The following OSBPL1A variants were observed in gnomAD, a reference collection of about 807,000 sequenced individuals.
OSBPL1A encodes the protein oxysterol-binding protein-related protein 1.
A neutral mutation model predicts 137.1 loss-of-function variants in OSBPL1A; 80 were observed. The observed-to-expected ratio is 0.58, with a 90% CI of 0.49 to 0.70. The LOEUF is 0.70. Among genes scored for constraint, OSBPL1A ranks in the 30% least tolerant of loss-of-function variants. The pLI, the probability that OSBPL1A is intolerant of heterozygous loss-of-function variation, is 0.00. For synonymous variants in OSBPL1A, 365 were observed against 389.7 expected (o/e 0.94, Z 0.75); for missense variants, 970 against 1,129.4 (o/e 0.86, Z 2.02).
chr18:24,293,543 G>C (rs1374363741), intron 14 of OSBPL1A, among the ~76,000 whole-genome samples: 1 of 152,212 alleles, frequency 6.6e-6, no homozygotes, highest in African/African-American at 2.4e-5. Flanking sequence ...CAGCGCAGGA[G>C]GCCAGGAAAA....
At chr18:24,287,628 C>G (rs1340109202) in intron 14 of OSBPL1A, among the ~76,000 whole-genome samples, 1 of 151,976 alleles carries the variant, frequency 6.6e-6, no homozygotes, top group African/African-American at 2.4e-5. Context: ...CAAAAATTAG[C>G]TGGGCGAGGT....
intron 14 of OSBPL1A, among the ~76,000 whole-genome samples, chr18:24,282,381 C>T (rs180868016): frequency 6.6e-6 from 1 of 152,236 alleles, no homozygotes; most frequent in African/African-American, 2.4e-5. Flanking sequence ...ACTCTACTTC[C>T]TATTTGGACC....
chr18:24,189,540 C>A (rs2086832880), intron 18 of OSBPL1A, among the ~76,000 whole-genome samples: 1 of 152,124 alleles, frequency 6.6e-6, no homozygotes, highest in Non-Finnish European at 1.5e-5. Context: ...CTGGATGTTT[C>A]CTCTATGACA....
intron 4 of OSBPL1A, among the ~76,000 whole-genome samples, chr18:24,361,929 G>A (rs568739587): frequency 9.7e-4 from 146 of 151,108 alleles, no homozygotes; most frequent in African/African-American, 3.5e-3. Flanking sequence ...CCCGAGAGGC[G>A]GAGATTGCAG....
At chr18:24,310,015 C>T (rs890946502) in intron 13 of OSBPL1A, among the ~76,000 whole-genome samples, 1 of 146,870 alleles carries the variant, frequency 6.8e-6, no homozygotes, top group Non-Finnish European at 1.5e-5. Flanking sequence ...TCACTGCACT[C>T]CAGCCCGTGC....
At chr18:24,358,398 G>T in intron 4 of OSBPL1A, 1 of 694,146 alleles carries the variant, frequency 1.4e-6, no homozygotes, top group South Asian at 1.5e-5. Flanking sequence ...AGCACTACTT[G>T]ACTTGTCCAC....
intron 4 of OSBPL1A, 47 bp downstream of exon 4, chr18:24,366,845 C>T (rs1472346443): frequency 6.4e-7 from 1 of 1,553,876 alleles, no homozygotes; most frequent in Non-Finnish European, 8.8e-7. Context: ...GGTAACTACT[C>T]CTCCAAATAC....
chr18:24,196,234 C>G, intron 17 of OSBPL1A, 34 bp from the exon 18 acceptor site: 2 of 1,461,880 alleles, frequency 1.4e-6, no homozygotes, highest in Non-Finnish European at 1.9e-6. Flanking sequence ...AAAGTTCATT[C>G]TAATGCCATT....
In OSBPL1A at chr18:24,389,944, A is replaced by AAAAAT. The variant is rs563541918; in HGVS notation, c.-3+7706_-3+7710dup. ...GTGACAGAGTGAGACTCTGTCTCAAAAAAATAAAATAAAATAAAATAAAAT... is the reference window on the plus strand; with the variant it reads ...GTGACAGAGTGAGACTCTGTCTCAAAAAAATAAAATAAAATAAAATAAAATAAAAT... On this transcript the variant is annotated intron_variant, in intron 1 of 27. Coordinates refer to ENST00000319481, the MANE Select transcript of OSBPL1A (RefSeq NM_080597.4). Among the ~76,000 whole-genome samples, 261 of 152,266 alleles carry AAAAAT rather than the reference A, an allele frequency of 1.7e-3. 2 individuals carry two copies. In the East Asian group the frequency reaches 0.037, roughly 22 times the overall value.
intron 18 of OSBPL1A, among the ~76,000 whole-genome samples, chr18:24,190,309 T>C (rs2086854336): frequency 7.3e-6 from 1 of 137,674 alleles, no homozygotes; most frequent in Admixed American, 8.1e-5. Flanking sequence ...CTGCTCCTCT[T>C]TGCTCATTTC....
At chr18:24,240,464 G>C (rs1322259081) in intron 15 of OSBPL1A, among the ~76,000 whole-genome samples, 1 of 152,126 alleles carries the variant, frequency 6.6e-6, no homozygotes, top group Non-Finnish European at 1.5e-5. Context: ...GGATTTGATA[G>C]GGACAGTTTT....
At chr18:24,190,179 T>A (rs528028518) in intron 18 of OSBPL1A, among the ~76,000 whole-genome samples, 1 of 152,022 alleles carries the variant, frequency 6.6e-6, no homozygotes, top group East Asian at 1.9e-4. Context: ...AATGGAAGCA[T>A]GGGCTGCAAG....
At chr18:24,199,730 T>C (rs2087158451) in intron 17 of OSBPL1A, among the ~76,000 whole-genome samples, 2 of 152,188 alleles carry the variant, frequency 1.3e-5, no homozygotes, top group Non-Finnish European at 2.9e-5. Flanking sequence ...GTGGCTAATA[T>C]AAAGACCTGT....
intron 1 of OSBPL1A, among the ~76,000 whole-genome samples, chr18:24,378,909 C>A (rs1906384665): frequency 6.6e-6 from 1 of 151,404 alleles, no homozygotes; most frequent in African/African-American, 2.4e-5. Context: ...GGCCCACCCA[C>A]TCTCTCAGTT....
At chr18:24,334,351 T>C (rs1440129023) in intron 5 of OSBPL1A, 21 bp from the exon 6 acceptor site, 2 of 1,571,198 alleles carry the variant, frequency 1.3e-6, no homozygotes, top group Non-Finnish European at 1.7e-6. Flanking sequence ...AAAGTACTTA[T>C]TATCCACTGC....
At position 24,397,742 on chromosome 18, in the gene OSBPL1A, G is replaced by A. The variant is rs1907863483; in HGVS notation, c.-90C>T. ...CCGCCCGCCCCACGTCGAGGAAGTGGTCGTCACCAACTCTGGCTGGCACTC... is the reference window on the plus strand; with the variant it reads ...CCGCCCGCCCCACGTCGAGGAAGTGATCGTCACCAACTCTGGCTGGCACTC... On this transcript the variant is annotated 5_prime_UTR_variant, in exon 1 of 28. Transcript: ENST00000319481. The A allele has an allele frequency of 6.6e-6, 1 of 152,292 alleles. No homozygotes were observed. Among genetic ancestry groups the A allele is most frequent in the Non-Finnish European group, 1.5e-5 (1 of 68,140 alleles). 9.4% of individuals were successfully genotyped at this position (152,292 alleles called of 1,614,324 possible).
intron 16 of OSBPL1A, among the ~76,000 whole-genome samples, chr18:24,231,753 T>C (rs957198326): frequency 5.9e-5 from 9 of 152,254 alleles, no homozygotes; most frequent in African/African-American, 2.2e-4. Flanking sequence ...CTGACCGCTA[T>C]GCTCCTTTTT....
chr18:24,364,487 T>C (rs1175470790), intron 4 of OSBPL1A, among the ~76,000 whole-genome samples: 1 of 152,194 alleles, frequency 6.6e-6, no homozygotes, highest in Non-Finnish European at 1.5e-5. Flanking sequence ...CAGGCACAGT[T>C]GTGCATGCCT....
intron 2 of OSBPL1A, among the ~76,000 whole-genome samples, chr18:24,376,807 G>C (rs959069673): frequency 6.6e-6 from 1 of 152,248 alleles, no homozygotes; most frequent in Non-Finnish European, 1.5e-5. Flanking sequence ...TACACCCTCC[G>C]CAGCCGCTGG....
Sources: allele counts gnomAD v4.1 joint callset (sites outside exome capture counted in the v4.1 genomes callset), GRCh38; gene constraint gnomAD v4.1.1; transcripts MANE v1.5; gene names NCBI Gene and HGNC (gene_info 2026-07-23, HGNC 2026-07-21).